Variants in MYL4 observed in about 807,000 individuals in gnomAD.
The protein encoded by MYL4 is myosin light chain 4.
A neutral mutation model predicts 21.6 loss-of-function variants in MYL4; 16 were observed. That is an observed-to-expected ratio of 0.74 (90% confidence interval 0.50 to 1.12). The LOEUF is 1.12. Among genes scored for constraint, MYL4 ranks in the 50% most tolerant of loss-of-function variants. The pLI is 0.00. For synonymous variants in MYL4, 82 were observed against 95.7 expected, an observed-to-expected ratio of 0.86 and a Z score of 0.83; for missense variants, 249 against 252.9, an observed-to-expected ratio of 0.98 and a Z score of 0.11.
Position 47,209,431 on chromosome 17 carries a change from C to G in MYL4, c.9C>G (p.Pro3=), listed in dbSNP as rs1448844042. ...GATCCCAACAAGACAACATGGCTCC[C>G]AAGAAGCCTGAGCCTAAGAAGGAGG... MA[P]KKPEPKKEAA... is the part of the protein sequence containing the mutation. Residue 3 remains proline (P), a synonymous_variant, in exon 1 of 7, where the codon CCC becomes CCG. Transcript: ENST00000393450. The G allele has an allele frequency of 6.2e-7, 1 of 1,614,070 alleles. No homozygotes were observed. The highest frequency in any genetic ancestry group is 2.2e-5 in the East Asian group (1 of 44,892).
At chr17:47,207,628 AT>A (rs532244081), upstream of MYL4, among the ~76,000 whole-genome samples, 15 of 152,076 alleles carry the variant, frequency 9.9e-5, no homozygotes, top group African/African-American at 3.6e-4. Context: ...AGGCGAAGTG[AT>A]TTTTTTGCCT....
chr17:47,192,826 C>T, the MYL4 span, among the ~76,000 whole-genome samples: 3 of 152,304 alleles, frequency 2.0e-5, no homozygotes, highest in African/African-American at 7.2e-5. Flanking sequence ...TATTCATCAA[C>T]CACTTGGGCA....
chr17:47,213,910 T>C, intron 2 of MYL4, 84 bp downstream of exon 2: 1 of 1,444,086 alleles, frequency 6.9e-7, no homozygotes, highest in Non-Finnish European at 9.8e-7. Context: ...GAGGAGTAGT[T>C]GTCCTCATGG....
chr17:47,227,371 C>T (rs1004084388), downstream of MYL4, among the ~76,000 whole-genome samples: 3 of 152,192 alleles, frequency 2.0e-5, no homozygotes, highest in Non-Finnish European at 4.4e-5. Context: ...ATAAAGTTCA[C>T]GATTTTCTTC....
At chr17:47,225,299 C>A (rs184743246), downstream of MYL4, among the ~76,000 whole-genome samples, 1 of 152,192 alleles carries the variant, frequency 6.6e-6, no homozygotes. Context: ...AGGGTTTCAG[C>A]TTTGTGAGTG....
upstream of MYL4, among the ~76,000 whole-genome samples, chr17:47,197,905 G>A (rs62074382): frequency 0.013 from 1,951 of 152,328 alleles, 20 homozygotes; most frequent in South Asian, 0.025. Flanking sequence ...TGGACTGGAG[G>A]CTGTATAAGC....
chr17:47,227,147 C>T (rs147645027), downstream of MYL4, among the ~76,000 whole-genome samples: 976 of 152,254 alleles, frequency 6.4e-3, 13 homozygotes, highest in African/African-American at 0.022. Context: ...TGAGCCACCG[C>T]GCCCAGCCGG....
intron 1 of MYL4, among the ~76,000 whole-genome samples, chr17:47,201,035 G>C (rs1294602406): frequency 1.3e-5 from 2 of 152,202 alleles, no homozygotes; most frequent in East Asian, 3.8e-4. Flanking sequence ...AGCTGGGCAT[G>C]GTGGCGGGCA....
At chr17:47,194,597 C>T in the MYL4 span, among the ~76,000 whole-genome samples, 1 of 152,118 alleles carries the variant, frequency 6.6e-6, no homozygotes, top group African/African-American at 2.4e-5. Context: ...TTCTTCCTTC[C>T]TGTATCTTAT....
intron 1 of MYL4, among the ~76,000 whole-genome samples, chr17:47,212,917 C>T (rs1349583065): frequency 3.9e-5 from 6 of 152,132 alleles, no homozygotes; most frequent in Admixed American, 6.5e-5. Flanking sequence ...TACAAACCAA[C>T]GGCCTCTTAT....
In MYL4 at chr17:47,219,915, G is replaced by A; in HGVS notation, c.175G>A (p.Ala59Thr). 1 of 1,614,214 alleles carries A rather than the reference G, an allele frequency of 6.2e-7. No individual in the cohort carries two copies. The highest frequency in any genetic ancestry group is 8.5e-7 in the Non-Finnish European group (1 of 1,180,042). ...TADQIEEFKE[A>T]FSLFDRTPTG... ...TCTTCTCTCCACAGAGTTCAAAGAG[G>A]CCTTTTCATTGTTTGACCGGACCCC... The change falls in exon 3 of 7, where the codon GCC becomes ACC. Residue 59 changes from alanine to threonine, a missense_variant. Physicochemically the swap from Ala to Thr is moderately conservative, Grantham distance 58. Transcript: ENST00000393450.
intron 6 of MYL4, 25 bp downstream of exon 6, chr17:47,223,082 TC>T: frequency 6.2e-7 from 1 of 1,613,188 alleles, no homozygotes; most frequent in East Asian, 2.2e-5. Flanking sequence ...TCCCTCCTGG[TC>T]CCTTCCGGGG....
At chr17:47,197,248 G>A (rs1447087637), upstream of MYL4, among the ~76,000 whole-genome samples, 4 of 151,782 alleles carry the variant, frequency 2.6e-5, no homozygotes, top group South Asian at 2.1e-4. Context: ...ATAGGCGCCC[G>A]CCACCACGCC....
downstream of MYL4, among the ~76,000 whole-genome samples, chr17:47,224,381 G>T (rs2064877485): frequency 6.6e-6 from 1 of 152,048 alleles, no homozygotes; most frequent in South Asian, 2.1e-4. Flanking sequence ...GAACAGCATG[G>T]GAAAGTTACC....
the MYL4 span, among the ~76,000 whole-genome samples, chr17:47,194,662 AC>A: frequency 1.4e-5 from 2 of 147,484 alleles, no homozygotes; most frequent in Admixed American, 1.4e-4. Context: ...GTCTTCCCCC[AC>A]CCCCCAAATT....
chr17:47,210,386 A>C (rs1359057578), intron 1 of MYL4, among the ~76,000 whole-genome samples: 1 of 151,942 alleles, frequency 6.6e-6, no homozygotes, highest in Non-Finnish European at 1.5e-5. Context: ...CTGGTGGGAG[A>C]GGGGTGGGCT....
upstream of MYL4, among the ~76,000 whole-genome samples, chr17:47,199,549 T>C (rs2064702084): frequency 6.6e-6 from 1 of 151,936 alleles, no homozygotes; most frequent in African/African-American, 2.4e-5. Context: ...CACTGTCTGG[T>C]GTAGAGGATG....
At chr17:47,225,658 T>A (rs2064882344), downstream of MYL4, among the ~76,000 whole-genome samples, 1 of 152,182 alleles carries the variant, frequency 6.6e-6, no homozygotes, top group Non-Finnish European at 1.5e-5. Flanking sequence ...ATTGTTTCAA[T>A]TTTCAACACA....
the MYL4 span, among the ~76,000 whole-genome samples, chr17:47,192,886 G>T: frequency 6.6e-6 from 1 of 152,076 alleles, no homozygotes; most frequent in Non-Finnish European, 1.5e-5. Flanking sequence ...GTGGAGTTGG[G>T]TTACAACAGC....
Sources: allele counts gnomAD v4.1 joint callset (sites outside exome capture counted in the v4.1 genomes callset), GRCh38; gene constraint gnomAD v4.1.1; transcripts MANE v1.5; gene names NCBI Gene and HGNC (gene_info 2026-07-23, HGNC 2026-07-21).